The following TRIM56 variants were observed in gnomAD, a reference collection of about 807,000 sequenced individuals.
TRIM56 encodes the protein E3 ubiquitin-protein ligase TRIM56.
Under a neutral mutation model 17.1 loss-of-function variants are expected in TRIM56, and 10 were observed. The observed-to-expected ratio is 0.58, with a 90% confidence interval of 0.36 to 0.99. The LOEUF (loss-of-function observed/expected upper bound fraction) is 0.99, where lower values mean the gene tolerates loss of function less well. Among genes scored for constraint, TRIM56 ranks in the 50% least tolerant of loss-of-function variants. The probability of loss-of-function intolerance (pLI) is 0.01; values close to 1 mark genes in which losing one functional copy is unlikely to be tolerated. For missense variants in TRIM56, 923 were observed against 1,052.3 expected (o/e 0.88, Z 1.70); for synonymous variants, 503 against 473.5 (o/e 1.06, Z -0.81).
Position 101,094,004 on chromosome 7 carries a change from C to T in TRIM56, c.*4424C>T, listed in dbSNP as rs1213544751. The T allele has an allele frequency of 6.6e-6, 1 of 152,090 alleles. No individual in the cohort carries two copies. Among genetic ancestry groups the T allele is most frequent in the Non-Finnish European group, 1.5e-5 (1 of 68,030 alleles). 9.4% of individuals were successfully genotyped at this position (152,090 alleles called of 1,614,324 possible). Reference sequence around the variant, plus strand: ...AAAAATGATTATAAGAATCAGTTGTCTCACTTTGGGGAATACATTCTGGGA... The same window carrying T: ...AAAAATGATTATAAGAATCAGTTGTTTCACTTTGGGGAATACATTCTGGGA... On this transcript the variant is annotated 3_prime_UTR_variant, in exon 3 of 3. Transcript: ENST00000306085.
rs1795620859 is a variant in TRIM56, at chr7:101,093,991, AAGAATCAGTTGTCTCACTTTGGGGAATAC to A, written c.*4413_*4441del. On this transcript the variant is annotated 3_prime_UTR_variant, in exon 3 of 3. Transcript: ENST00000306085. ...TTGCAAGAATGACAAAAATGATTAT[AAGAATCAGTTGTCTCACTTTGGGGAATAC>A]ATTCTGGGAAAATAATGTAAGAGAA... 6.6e-6 allele frequency: 1 copy of A among 152,212 alleles called. No individual in the cohort carries two copies. The highest frequency in any genetic ancestry group is 2.4e-5 in the African/African-American group (1 of 41,454). 9.4% of individuals were successfully genotyped at this position (152,212 alleles called of 1,614,324 possible).
At position 101,090,895 on chromosome 7, in the gene TRIM56, C is replaced by T. The variant is rs1205445176; in HGVS notation, c.*1315C>T. ...CTTCTCTTCATTTTCCAGCAAAATT[C>T]CTTTTGAGATATGTTGGCCTTCACT... On this transcript the variant is annotated 3_prime_UTR_variant, in exon 3 of 3. Transcript: ENST00000306085. 6 of 152,054 alleles carry T rather than the reference C, an allele frequency of 3.9e-5. No individual in the cohort carries two copies. The highest frequency in any genetic ancestry group is 6.6e-5 in the Admixed American group (1 of 15,230). 9.4% of individuals were successfully genotyped at this position (152,054 alleles called of 1,614,324 possible).
Position 101,087,304 on chromosome 7 carries a change from G to C in TRIM56, c.-1-8G>C, listed in dbSNP as rs779245758. 2.5e-6 allele frequency: 4 copies of C among 1,608,186 alleles called. No homozygotes were observed. The African/African-American group carries it at 5.3e-5, about 21-fold the overall frequency. ...TCTCAACTCTGATCCTGACGCCTCT[G>C]CCTGCAGCATGGTTTCCCACGGGTC... On this transcript the variant is annotated splice_region_variant and splice_polypyrimidine_tract_variant and intron_variant, in intron 2 of 2. Transcript: ENST00000306085.
rs770648130 is a variant in TRIM56 at position 101,088,801 on chromosome 7, T to C, written c.1489T>C (p.Phe497Leu). The change falls in exon 3 of 3, where the codon TTC becomes CTC. Residue 497 changes from phenylalanine to leucine, a missense_variant. By Grantham distance (22) the Phe-to-Leu change is conservative. Coordinates refer to ENST00000306085, the MANE Select transcript of TRIM56 (RefSeq NM_030961.3). ...LLPRPIFYCS[F>L]PTRMPGDKRS... Reference sequence around the variant, plus strand: ...CCCCAGACCCATCTTTTACTGCAGTTTCCCCACGCGGATGCCTGGAGACAA... The same window carrying C: ...CCCCAGACCCATCTTTTACTGCAGTCTCCCCACGCGGATGCCTGGAGACAA... The C allele has an allele frequency of 1.9e-6, 3 of 1,613,442 alleles. No individual in the cohort carries two copies. The highest frequency in any genetic ancestry group is 2.2e-5 in the East Asian group (1 of 44,876).
rs1795652323 is a variant in TRIM56 at position 101,096,276 on chromosome 7, G to A, written c.*6696G>A. The stretch of plus-strand genomic sequence containing the variant: ...CCCCAGCCCACTGCACCACACCTGG[G>A]ATTGTGACAATTAACTTGATAAATT... On this transcript the variant is annotated 3_prime_UTR_variant, in exon 3 of 3. Coordinates refer to ENST00000306085, the MANE Select transcript of TRIM56 (RefSeq NM_030961.3). 6.6e-6 allele frequency: 1 copy of A among 152,198 alleles called. No individual in the cohort carries two copies. The highest frequency in any genetic ancestry group is 2.4e-5 in the African/African-American group (1 of 41,436). The allele number at this position is 152,198 out of a possible 1,614,324, so 9.4% of individuals were successfully genotyped here.
In TRIM56 at chr7:101,088,014, G is replaced by T. The variant is rs1279735809; in HGVS notation, c.702G>T (p.Arg234=). The change falls in exon 3 of 3, where the codon CGG becomes CGT. Residue 234 remains arginine (R), a synonymous_variant. Transcript: ENST00000306085. The stretch of plus-strand genomic sequence containing the variant: ...ACCTGGTGGAGCTGGAGGCAGCGCG[G>T]AGGGTGGAGAAGGAGGCGCTAGCCC... ...DNNLVELEAA[R]RVEKEALARL... is the part of the protein sequence containing the mutation. The T allele has an allele frequency of 1.3e-6, 2 of 1,573,278 alleles. No homozygotes were observed. Among genetic ancestry groups the T allele is most frequent in the Non-Finnish European group, 1.7e-6 (2 of 1,166,354 alleles).
At position 101,094,501 on chromosome 7, in the gene TRIM56, A is replaced by G. The variant is rs1795627609; in HGVS notation, c.*4921A>G. The G allele has an allele frequency of 6.6e-6, 1 of 152,182 alleles. No homozygotes were observed. 9.4% of individuals were successfully genotyped at this position (152,182 alleles called of 1,614,324 possible). On this transcript the variant is annotated 3_prime_UTR_variant, in exon 3 of 3. Transcript: ENST00000306085. ...AAATACACCTTTATAAGTAATACTC[A>G]ATAACTACTGGGTTTGAGAATGAAG...
intron 1 of TRIM56, among the ~76,000 whole-genome samples, chr7:101,085,848 G>A (rs1044077154): frequency 1.3e-5 from 2 of 152,120 alleles, no homozygotes; most frequent in African/African-American, 2.4e-5. Context: ...CCAACAAGTA[G>A]GTCTCAGCCA....
rs964516124 is a variant in TRIM56 at position 101,095,273 on chromosome 7, G to A, written c.*5693G>A. ...ACCCGTAGTCCCAGCTGCTCGGGAG[G>A]CTGAGGCAGAAGATTGCTCGAGCCC... is the stretch of plus-strand genomic sequence containing the variant. On this transcript the variant is annotated 3_prime_UTR_variant, in exon 3 of 3. Coordinates refer to ENST00000306085, the MANE Select transcript of TRIM56 (RefSeq NM_030961.3). The A allele has an allele frequency of 1.3e-5, 2 of 152,320 alleles. No individual in the cohort carries two copies. The highest frequency in any genetic ancestry group is 4.8e-5 in the African/African-American group (2 of 41,430). 9.4% of individuals were successfully genotyped at this position (152,320 alleles called of 1,614,324 possible). A position where few individuals can be genotyped will look rare whatever the true frequency, so the allele number is the denominator to read the frequency against.
At chr7:101,086,345 G>A (rs1795448259) in intron 1 of TRIM56, among the ~76,000 whole-genome samples, 1 of 152,190 alleles carries the variant, frequency 6.6e-6, no homozygotes. Context: ...CGGATCACCT[G>A]AGGTCAGGAG....
At position 101,091,632 on chromosome 7, in the gene TRIM56, C is replaced by G; in HGVS notation, c.*2052C>G. ...ATCCCAGCTACTTGGGAGGCTGAGG[C>G]AGGAGAATCATTTGAACCCAGGAGG... On this transcript the variant is annotated 3_prime_UTR_variant, in exon 3 of 3. Coordinates refer to ENST00000306085, the MANE Select transcript of TRIM56 (RefSeq NM_030961.3). 1 of 404,934 alleles carries G rather than the reference C, an allele frequency of 2.5e-6. No homozygotes were observed. Among genetic ancestry groups the G allele is most frequent in the Non-Finnish European group, 4.8e-6 (1 of 206,812 alleles). 25.1% of individuals were successfully genotyped at this position (404,934 alleles called of 1,614,324 possible). A position where few individuals can be genotyped will look rare whatever the true frequency, so the allele number is the denominator to read the frequency against.
rs776810486 is a variant in TRIM56 at position 101,089,110 on chromosome 7, G to A, written c.1798G>A (p.Gly600Arg). 5.6e-6 allele frequency: 9 copies of A among 1,604,598 alleles called. No individual in the cohort carries two copies. The highest frequency in any genetic ancestry group is 2.7e-5 in the African/African-American group (2 of 74,886). The change falls in exon 3 of 3, where the codon GGG becomes AGG. Residue 600 changes from glycine (G) to arginine (R), a missense_variant. Around this residue, in one of 3 missense-constraint regions of TRIM56, gnomAD observed 182 missense variants for 243.1 expected, o/e 0.75. Coordinates refer to ENST00000306085, the MANE Select transcript of TRIM56 (RefSeq NM_030961.3). ...ASHAVAALPS[G>R]DRVAVSVAGH... ...CCACGCGGTGGCGGCACTGCCTAGC[G>A]GGGACCGCGTGGCTGTCAGCGTGGC...
rs1795608991 is a variant in TRIM56, at chr7:101,093,339, T to TAAAAAAA, written c.*3759_*3760insAAAAAAA. 1 of 88,530 alleles carries TAAAAAAA rather than the reference T, an allele frequency of 1.1e-5. No homozygotes were observed. Among genetic ancestry groups the TAAAAAAA allele is most frequent in the Non-Finnish European group, 2.3e-5 (1 of 44,392 alleles). The allele number at this position is 88,530 out of a possible 1,614,324, so 5.5% of individuals were successfully genotyped here. A position where few individuals can be genotyped will look rare whatever the true frequency, so the allele number is the denominator to read the frequency against. ...ACACCCAAGAATGATCAATAAAAAA[T>TAAAAAAA]TAAAAAAAAAAAAAAAAAAAGAAAA... On this transcript the variant is annotated 3_prime_UTR_variant, in exon 3 of 3. Transcript: ENST00000306085.
rs899410029 is a variant in TRIM56, at chr7:101,095,792, G to A, written c.*6212G>A. 1 of 152,262 alleles carries A rather than the reference G, an allele frequency of 6.6e-6. No individual in the cohort carries two copies. Among genetic ancestry groups the A allele is most frequent in the African/African-American group, 2.4e-5 (1 of 41,448 alleles). 9.4% of individuals were successfully genotyped at this position (152,262 alleles called of 1,614,324 possible). A position where few individuals can be genotyped will look rare whatever the true frequency, so the allele number is the denominator to read the frequency against. On this transcript the variant is annotated 3_prime_UTR_variant, in exon 3 of 3. Coordinates refer to ENST00000306085, the MANE Select transcript of TRIM56 (RefSeq NM_030961.3). The stretch of plus-strand genomic sequence containing the variant: ...AAAATGAGAAGCATGGATGGGAAGT[G>A]TTGCATTGAGCATAATTTGGAGGTA...
In TRIM56 at chr7:101,089,245, CA is replaced by C. The variant is rs769226445; in HGVS notation, c.1934del (p.Gln645ArgfsTer15). 1.2e-6 allele frequency: 2 copies of C among 1,612,822 alleles called. No homozygotes were observed. Among genetic ancestry groups the C allele is most frequent in the South Asian group, 1.1e-5 (1 of 90,998 alleles). The part of the protein sequence containing the change: ...RALVFLTTSP[Q>X]GHFVGSDWQQ... The stretch of plus-strand genomic sequence containing the variant: ...GCTGGTGTTTCTGACCACCAGCCCC[CA>C]GGGGCATTTCGTGGGGTCGGACTGG... On this transcript the variant is annotated frameshift_variant, in exon 3 of 3. Coordinates refer to ENST00000306085, the MANE Select transcript of TRIM56 (RefSeq NM_030961.3). LOFTEE classifies it high-confidence loss of function.
rs763709750 is a variant in TRIM56 at position 101,088,898 on chromosome 7, G to A, written c.1586G>A (p.Arg529Gln). The change falls in exon 3 of 3, where the codon CGG becomes CAG. Residue 529 changes from arginine to glutamine, a missense_variant. By Grantham distance (43) the Arg-to-Gln change is conservative (BLOSUM62 1). This residue lies in a region of TRIM56 where 643 missense variants were observed against 665.6 expected (regional missense o/e 0.97). Transcript: ENST00000306085. ...ATCCTGGTGGCGGATGAGCAGAACC[G>A]GGCACTGAAACGCTTCTCCCTCAAC... ...REILVADEQN[R>Q]ALKRFSLNGD... The A allele has an allele frequency of 6.8e-6, 11 of 1,613,738 alleles. No homozygotes were observed. The Admixed American group carries it at 8.3e-5, about 12-fold the overall frequency.
chr7:101,094,537 G>C lies in TRIM56; in HGVS notation c.*4957G>C, dbSNP rs1416926515. 1 of 152,160 alleles carries C rather than the reference G, an allele frequency of 6.6e-6. No individual in the cohort carries two copies. Among genetic ancestry groups the C allele is most frequent in the Non-Finnish European group, 1.5e-5 (1 of 68,032 alleles). The allele number at this position is 152,160 out of a possible 1,614,324, so 9.4% of individuals were successfully genotyped here. On this transcript the variant is annotated 3_prime_UTR_variant, in exon 3 of 3. Transcript: ENST00000306085. ...GGTTTGAGAATGAAGGTGTCAGAAC[G>C]AATGAGATTGTCCTATGAAAGAAGA...
rs78537898 is a variant in TRIM56, at chr7:101,089,571, G to C, written c.2259G>C (p.Pro753=). The C allele has an allele frequency of 6.2e-7, 1 of 1,613,286 alleles. No homozygotes were observed. Among genetic ancestry groups the C allele is most frequent in the Non-Finnish European group, 8.5e-7 (1 of 1,179,548 alleles). ...GTIHIFRVRS[P]DS ...TCCACATCTTTCGGGTCCGTTCTCCGGACAGTTAAAGGGGCTAGGACTAGG... is the reference window on the plus strand; with the variant it reads ...TCCACATCTTTCGGGTCCGTTCTCCCGACAGTTAAAGGGGCTAGGACTAGG... Residue 753 remains proline (P), a synonymous_variant, in exon 3 of 3, where the codon CCG becomes CCC. Coordinates refer to ENST00000306085, the MANE Select transcript of TRIM56 (RefSeq NM_030961.3).
chr7:101,088,936 G>A lies in TRIM56; in HGVS notation c.1624G>A (p.Gly542Ser), dbSNP rs1199038637. The part of the protein sequence containing the change: ...KRFSLNGDYK[G>S]TVPVPEGCSP... ...CTTCTCCCTCAACGGCGACTACAAG[G>A]GCACCGTGCCGGTCCCTGAGGGCTG... The change falls in exon 3 of 3, where the codon GGC (glycine) becomes AGC (serine). Residue 542 changes from glycine (G) to serine (S), a missense_variant. Physicochemically the swap from Gly to Ser is moderately conservative, Grantham distance 56. Coordinates refer to ENST00000306085, the MANE Select transcript of TRIM56 (RefSeq NM_030961.3). 3.7e-6 allele frequency: 6 copies of A among 1,613,510 alleles called. No homozygotes were observed. Among genetic ancestry groups the A allele is most frequent in the South Asian group, 1.1e-5 (1 of 91,090 alleles).
Sources: allele counts gnomAD v4.1 joint callset (sites outside exome capture counted in the v4.1 genomes callset), GRCh38; gene constraint gnomAD v4.1.1; regional missense constraint gnomAD v4.1.1; transcripts MANE v1.5; gene names NCBI Gene and HGNC (gene_info 2026-07-23, HGNC 2026-07-21).